NIBAN2: variants seen among roughly 807,000 people sequenced by gnomAD.
NIBAN2 encodes protein Niban 2.
Under a neutral mutation model 81.8 loss-of-function variants are expected in NIBAN2, and 36 were observed. That is an observed-to-expected ratio of 0.44 (90% confidence interval 0.34 to 0.58). NIBAN2 has a LOEUF of 0.58. NIBAN2 is among the 20% of genes least tolerant of loss of function. The probability of loss-of-function intolerance (pLI) is 0.02; values close to 1 mark genes in which losing one functional copy is unlikely to be tolerated. For synonymous variants in NIBAN2, 445 were observed against 441.6 expected, an observed-to-expected ratio of 1.01 and a Z score of -0.10; for missense variants, 897 against 1,014.1, an observed-to-expected ratio of 0.88 and a Z score of 1.57.
intron 1 of NIBAN2, among the ~76,000 whole-genome samples, chr9:127,535,242 A>C (rs953337617): frequency 2.6e-5 from 4 of 152,162 alleles, no homozygotes; most frequent in African/African-American, 9.7e-5. Context: ...GGGAGCTGCC[A>C]TTGCTGTGAG....
chr9:127,523,875 G>A (rs1157073782), intron 4 of NIBAN2, 29 bp from the exon 5 acceptor site: 3 of 1,591,214 alleles, frequency 1.9e-6, no homozygotes, highest in African/African-American at 2.7e-5. Flanking sequence ...ATGAGCAGCT[G>A]CCCTCTGTGG....
In NIBAN2 at chr9:127,507,721, A is replaced by AC. The variant is rs1381215088; in HGVS notation, c.1654+145dup. On this transcript the variant is annotated intron_variant, in intron 13 of 13. Transcript: ENST00000373312. The surrounding 1 kb of genome is among the most constrained non-coding windows in gnomAD (Gnocchi z 6.8). Reference sequence around the variant, plus strand: ...AGGCTAAGGCTGCTCCGGAGGCCACACAGCGAAGAGTGGGCTTCACCCAGA... The same window carrying AC: ...AGGCTAAGGCTGCTCCGGAGGCCACACCAGCGAAGAGTGGGCTTCACCCAGA... 1.3e-6 allele frequency: 1 copy of AC among 762,944 alleles called. No individual in the cohort carries two copies. Among genetic ancestry groups the AC allele is most frequent in the East Asian group, 2.5e-5 (1 of 39,872 alleles). The allele number at this position is 762,944 out of a possible 1,614,324, so 47.3% of individuals were successfully genotyped here. A position where few individuals can be genotyped will look rare whatever the true frequency, so the allele number is the denominator to read the frequency against.
chr9:127,542,206 G>A (rs1426691313), intron 1 of NIBAN2, among the ~76,000 whole-genome samples: 1 of 152,174 alleles, frequency 6.6e-6, no homozygotes, highest in East Asian at 1.9e-4. Context: ...GTCATCTGGG[G>A]TCTCGCAGAG....
At chr9:127,521,771 C>T (rs1418946107) in intron 5 of NIBAN2, among the ~76,000 whole-genome samples, 2 of 152,208 alleles carry the variant, frequency 1.3e-5, no homozygotes, top group Admixed American at 6.5e-5. Flanking sequence ...CCCAGCAGCT[C>T]TCCTGGGCCT....
At position 127,555,300 on chromosome 9, in the gene NIBAN2, G is replaced by A. The variant is rs573523841; in HGVS notation, c.55+13520C>T. Among the ~76,000 whole-genome samples, 546 of 152,270 alleles carry A rather than the reference G, an allele frequency of 3.6e-3. 3 individuals are homozygous for A. The highest frequency in any genetic ancestry group is 0.013 in the African/African-American group (522 of 41,560). ...TGTATTGGTGGAGGGAGTGGGAAGG[G>A]GGACGACCACCCTTACCAGCCCCCA... On this transcript the variant is annotated intron_variant, in intron 1 of 13. Coordinates refer to ENST00000373312, the MANE Select transcript of NIBAN2 (RefSeq NM_022833.4).
In NIBAN2 at chr9:127,547,938, G is replaced by C. The variant is rs538896291; in HGVS notation, c.56-16160C>G. Among the ~76,000 whole-genome samples, 5 of 152,352 alleles carry C rather than the reference G, an allele frequency of 3.3e-5. No homozygotes were observed. The South Asian group carries it at 1.0e-3, about 32-fold the overall frequency. ...TGAAATGAATAAACCCACAGAGCCT[G>C]GGCAAATGTGGGCTGGTGTTATCAA... is the stretch of plus-strand genomic sequence containing the variant. On this transcript the variant is annotated intron_variant, in intron 1 of 13. Coordinates refer to ENST00000373312, the MANE Select transcript of NIBAN2 (RefSeq NM_022833.4).
intron 9 of NIBAN2, 162 bp downstream of exon 9, chr9:127,509,984 C>T: frequency 1.7e-6 from 1 of 592,850 alleles, no homozygotes; most frequent in Non-Finnish European, 2.8e-6. Context: ...CTCCAACAGC[C>T]CTGGCCTCAC....
At position 127,517,977 on chromosome 9, in the gene NIBAN2, G is replaced by T; in HGVS notation, c.590-36C>A. Reference sequence around the variant, plus strand: ...GACGGAGGGAGAGAGGAGGTCAGCAGATGGCCCAGTGGCCTCTACCAAGAC... The same window carrying T: ...GACGGAGGGAGAGAGGAGGTCAGCATATGGCCCAGTGGCCTCTACCAAGAC... On this transcript the variant is annotated intron_variant, in intron 5 of 13. Transcript: ENST00000373312. This position sits in a 1 kb window ranked among gnomAD's most constrained non-coding sequence, Gnocchi z 4.0. The T allele has an allele frequency of 1.4e-6, 2 of 1,439,134 alleles. No homozygotes were observed. Among genetic ancestry groups the T allele is most frequent in the Non-Finnish European group, 1.9e-6 (2 of 1,051,388 alleles). 89.1% of individuals were successfully genotyped at this position (1,439,134 alleles called of 1,614,324 possible). A position where few individuals can be genotyped will look rare whatever the true frequency, so the allele number is the denominator to read the frequency against.
Position 127,508,995 on chromosome 9 carries a change from G to A in NIBAN2, c.1298C>T (p.Ala433Val). 6.2e-7 allele frequency: 1 copy of A among 1,613,826 alleles called. No individual in the cohort carries two copies. Among genetic ancestry groups the A allele is most frequent in the Non-Finnish European group, 8.5e-7 (1 of 1,179,978 alleles). Residue 433 changes from alanine to valine, a missense_variant, in exon 10 of 14, where the codon GCC (alanine) becomes GTC (valine). Coordinates refer to ENST00000373312, the MANE Select transcript of NIBAN2 (RefSeq NM_022833.4). The surrounding 1 kb of genome is among the most constrained non-coding windows in gnomAD (Gnocchi z 6.4). The stretch of plus-strand genomic sequence containing the variant: ...GTCTACCTCCCGCATGTGGATCTGG[G>A]CTCGCTGCTTGAACACGGACGTGCT... Reference protein sequence around the residue: ...VSSTSVFKQRAQIHMREQMDN... With the variant: ...VSSTSVFKQRVQIHMREQMDN...
intron 5 of NIBAN2, among the ~76,000 whole-genome samples, chr9:127,519,965 A>G (rs1836904827): frequency 6.6e-6 from 1 of 152,180 alleles, no homozygotes; most frequent in Non-Finnish European, 1.5e-5. Flanking sequence ...TCAGGTGTGC[A>G]GGGCAGGCCT....
chr9:127,560,367 A>G (rs1381776093), intron 1 of NIBAN2, among the ~76,000 whole-genome samples: 1 of 152,096 alleles, frequency 6.6e-6, no homozygotes, highest in Non-Finnish European at 1.5e-5. Context: ...ACGCAGGTCC[A>G]GTCCCTCTCA....
intron 2 of NIBAN2, among the ~76,000 whole-genome samples, chr9:127,528,208 G>A (rs561139519): frequency 2.8e-4 from 43 of 152,318 alleles, no homozygotes; most frequent in African/African-American, 8.9e-4. Flanking sequence ...TGGGGAAGGA[G>A]AAGGGAGATC....
intron 2 of NIBAN2, among the ~76,000 whole-genome samples, chr9:127,528,981 A>C (rs1479898926): frequency 6.6e-6 from 1 of 152,142 alleles, no homozygotes; most frequent in Admixed American, 6.5e-5. Flanking sequence ...CCCACCACCC[A>C]GTCCGCCCCC....
chr9:127,568,756 G>T lies in NIBAN2; in HGVS notation c.55+64C>A. 4 of 1,215,972 alleles carry T rather than the reference G, an allele frequency of 3.3e-6. 1 individual carries two copies. In the South Asian group the frequency reaches 9.5e-5, roughly 29 times the overall value. 75.3% of individuals were successfully genotyped at this position (1,215,972 alleles called of 1,614,324 possible). ...GCCCCGGCGCCAACTGCTGGCCGGG[G>T]CGGGGGCGTGGTCCGGGGGTTCCGG... On this transcript the variant is annotated intron_variant, in intron 1 of 13. Transcript: ENST00000373312.
At chr9:127,510,409 G>C (rs748462392) in intron 8 of NIBAN2, 76 bp from the exon 9 acceptor site, 8 of 1,090,220 alleles carry the variant, frequency 7.3e-6, no homozygotes, top group African/African-American at 1.6e-5. Context: ...CCAGGTGCTG[G>C]AGGCTACTGT....
chr9:127,555,983 T>C (rs1208403704), intron 1 of NIBAN2, among the ~76,000 whole-genome samples: 1 of 151,810 alleles, frequency 6.6e-6, no homozygotes, highest in South Asian at 2.1e-4. Flanking sequence ...CTGACACACA[T>C]GGGGTCAGTG....
At chr9:127,574,159 G>A (rs1320301239) in intron 1 of NIBAN2, among the ~76,000 whole-genome samples, 1 of 152,200 alleles carries the variant, frequency 6.6e-6, no homozygotes, top group Non-Finnish European at 1.5e-5. Flanking sequence ...TCTTGGCTCA[G>A]GCCCCAGAAC....
chr9:127,513,529 A>C (rs1378955980), intron 8 of NIBAN2, among the ~76,000 whole-genome samples: 1 of 152,226 alleles, frequency 6.6e-6, no homozygotes, highest in African/African-American at 2.4e-5. Flanking sequence ...TGCAGTAAAG[A>C]AGGTGGCCCA....
chr9:127,506,691 T>C lies in NIBAN2; in HGVS notation c.*154A>G. The C allele has an allele frequency of 1.9e-6, 1 of 539,552 alleles. No homozygotes were observed. The highest frequency in any genetic ancestry group is 3.2e-6 in the Non-Finnish European group (1 of 315,034). The allele number at this position is 539,552 out of a possible 1,614,324, so 33.4% of individuals were successfully genotyped here. On this transcript the variant is annotated 3_prime_UTR_variant, in exon 14 of 14. Transcript: ENST00000373312. ...AAAGTGTTGACTGAACCCAATAAAG[T>C]GACTCAGGTGGGCCCGCTCCCTGGC...
Sources: gnomAD v4.1 joint callset for allele counts (sites outside exome capture counted in the v4.1 genomes callset) on GRCh38, gnomAD v4.1.1 for gene constraint, Gnocchi (gnomAD v3.1) non-coding constraint, MANE v1.5 for transcripts, NCBI Gene and HGNC (gene_info 2026-07-23, HGNC 2026-07-21) for gene names.